The following GPR153 variants were observed in gnomAD, a reference collection of about 807,000 sequenced individuals.
GPR153 encodes probable G protein-coupled receptor 153.
Under a neutral mutation model 34.1 loss-of-function variants are expected in GPR153, and 27 were observed. The ratio of observed to expected loss-of-function variants is 0.79; its 90% confidence interval spans 0.58 to 1.09. The LOEUF (loss-of-function observed/expected upper bound fraction) is 1.09. Ranked by LOEUF, GPR153 falls within the 50% of genes least tolerant of loss-of-function variation. GPR153 has a pLI of 0.00. For missense variants in GPR153, 848 were observed against 860.2 expected (o/e 0.99, Z 0.18); for synonymous variants, 408 against 405.4 (o/e 1.01, Z -0.08).
chr1:6,249,971 A>G lies in GPR153; in HGVS notation c.1197T>C (p.Asp399=). The part of the protein sequence containing the change: ...VPPTRRFSHD[D]ADVWAAVPLP... Reference sequence around the variant, plus strand: ...GCGGGACGGCGGCCCACACGTCCGCATCGTCGTGGGAGAAGCGCCGCGTGG... The same window carrying G: ...GCGGGACGGCGGCCCACACGTCCGCGTCGTCGTGGGAGAAGCGCCGCGTGG... The change falls in exon 6 of 6, where the codon GAT becomes GAC. Residue 399 remains aspartate (D), a synonymous_variant. Transcript: ENST00000377893. This position sits in a 1 kb window ranked among gnomAD's most constrained non-coding sequence, Gnocchi z 4.3. 4.2e-5 allele frequency: 54 copies of G among 1,278,356 alleles called. No homozygotes were observed. Among genetic ancestry groups the G allele is most frequent in the Non-Finnish European group, 5.3e-5 (53 of 1,006,864 alleles). 79.2% of individuals were successfully genotyped at this position (1,278,356 alleles called of 1,614,324 possible). A position where few individuals can be genotyped will look rare whatever the true frequency, so the allele number is the denominator to read the frequency against.
At position 6,253,880 on chromosome 1, in the gene GPR153, G is replaced by A; in HGVS notation, c.624C>T (p.Asp208=). 6.2e-7 allele frequency: 1 copy of A among 1,607,372 alleles called. No individual in the cohort carries two copies. Among genetic ancestry groups the A allele is most frequent in the Non-Finnish European group, 8.5e-7 (1 of 1,176,346 alleles). Residue 208 remains aspartate (D), a synonymous_variant, in exon 3 of 6, where the codon GAC becomes GAT. Transcript: ENST00000377893. The stretch of plus-strand genomic sequence containing the variant: ...TGGTGGGCACGGTGAAGGCGCGGCG[G>A]TCGGCCTGGCGCCCCACCTGCACGG... The part of the protein sequence containing the change: ...TLAVQVGRQA[D]RRAFTVPTIV...
In GPR153 at chr1:6,251,671, G is replaced by C; in HGVS notation, c.787-141C>G. Reference sequence around the variant, plus strand: ...GGAGAAGGGGCCCTTGGGGAGAAAAGAGCTGGAGCGTGGCAGTGGGAGGCC... The same window carrying C: ...GGAGAAGGGGCCCTTGGGGAGAAAACAGCTGGAGCGTGGCAGTGGGAGGCC... On this transcript the variant is annotated intron_variant, in intron 3 of 5. Transcript: ENST00000377893. The surrounding 1 kb of genome is among the most constrained non-coding windows in gnomAD (Gnocchi z 4.9). The C allele has an allele frequency of 1.0e-6, 1 of 985,344 alleles. No homozygotes were observed. Among genetic ancestry groups the C allele is most frequent in the South Asian group, 1.8e-5 (1 of 56,168 alleles). 61.0% of individuals were successfully genotyped at this position (985,344 alleles called of 1,614,324 possible).
At chr1:6,258,816 C>T (rs1391626993) in intron 1 of GPR153, among the ~76,000 whole-genome samples, 1 of 152,200 alleles carries the variant, frequency 6.6e-6, no homozygotes, top group African/African-American at 2.4e-5. Context: ...TCTGTCTAGC[C>T]CCGTGACCTT....
Position 6,250,080 on chromosome 1 carries a change from A to G in GPR153, c.1165-77T>C, listed in dbSNP as rs563711349. Reference sequence around the variant, plus strand: ...GACAAACCCTTCTCCACCCTGGGGAAAGGCCTTCCGTGGGTCAGGGACCAG... The same window carrying G: ...GACAAACCCTTCTCCACCCTGGGGAGAGGCCTTCCGTGGGTCAGGGACCAG... On this transcript the variant is annotated intron_variant, in intron 5 of 5. Transcript: ENST00000377893. The G allele has an allele frequency of 1.4e-5, 18 of 1,274,492 alleles. No individual in the cohort carries two copies. In the African/African-American group the frequency reaches 2.6e-4, roughly 19 times the overall value. The allele number at this position is 1,274,492 out of a possible 1,614,324, so 78.9% of individuals were successfully genotyped here.
intron 1 of GPR153, among the ~76,000 whole-genome samples, chr1:6,256,119 G>C (rs1421320934): frequency 6.6e-6 from 1 of 152,074 alleles, no homozygotes; most frequent in East Asian, 1.9e-4. Context: ...AGGTGATTAG[G>C]CCATGGGTGG....
intron 1 of GPR153, among the ~76,000 whole-genome samples, chr1:6,259,636 G>A (rs1207611003): frequency 1.3e-5 from 2 of 152,116 alleles, no homozygotes; most frequent in Admixed American, 1.3e-4. Context: ...TGTCAGGGCT[G>A]GGTTTGGGGC....
chr1:6,249,670 G>A lies in GPR153; in HGVS notation c.1498C>T (p.Pro500Ser). Residue 500 changes from proline (P) to serine (S), a missense_variant, in exon 6 of 6, where the codon CCC becomes TCC. By Grantham distance (74) the Pro-to-Ser change is moderately conservative. Coordinates refer to ENST00000377893, the MANE Select transcript of GPR153 (RefSeq NM_207370.4). The surrounding 1 kb of genome is among the most constrained non-coding windows in gnomAD (Gnocchi z 4.3). ...GPRSASASLLPDAFALTAFEC... is the reference protein window; with the variant it reads ...GPRSASASLLSDAFALTAFEC... ...AAGGCGGTCAGGGCGAAGGCGTCGG[G>A]CAGCAGCGAGGCCGAGGCGGAGCGG... is the stretch of plus-strand genomic sequence containing the variant. The A allele has an allele frequency of 9.3e-7, 1 of 1,070,324 alleles. No homozygotes were observed. Among genetic ancestry groups the A allele is most frequent in the African/African-American group, 1.7e-5 (1 of 58,862 alleles). The allele number at this position is 1,070,324 out of a possible 1,614,324, so 66.3% of individuals were successfully genotyped here. A position where few individuals can be genotyped will look rare whatever the true frequency, so the allele number is the denominator to read the frequency against.
At chr1:6,255,135 T>C (rs1638537968) in intron 1 of GPR153, 121 bp from the exon 2 acceptor site, 1 of 424,572 alleles carries the variant, frequency 2.4e-6, no homozygotes. Flanking sequence ...GCAAAACTCA[T>C]GTTGAAATTT....
chr1:6,254,849 G>A lies in GPR153; in HGVS notation c.57C>T (p.Gly19=). 1 of 1,604,994 alleles carries A rather than the reference G, an allele frequency of 6.2e-7. No homozygotes were observed. The highest frequency in any genetic ancestry group is 8.5e-7 in the Non-Finnish European group (1 of 1,175,938). ...GSAVGWLVCG[G]LSLLANAWGI... ...CCCAGGCATTGGCCAGCAGGGAGAGGCCCCCACATACCAGCCAGCCCACTG... is the reference window on the plus strand; with the variant it reads ...CCCAGGCATTGGCCAGCAGGGAGAGACCCCCACATACCAGCCAGCCCACTG... The change falls in exon 2 of 6, where the codon GGC becomes GGT. Residue 19 remains glycine, a synonymous_variant. Transcript: ENST00000377893.
chr1:6,249,930 G>T lies in GPR153; in HGVS notation c.1238C>A (p.Pro413Gln), dbSNP rs1638403077. 3.1e-6 allele frequency: 4 copies of T among 1,285,016 alleles called. No homozygotes were observed. In the South Asian group the frequency reaches 8.7e-5, roughly 28 times the overall value. 79.6% of individuals were successfully genotyped at this position (1,285,016 alleles called of 1,614,324 possible). The change falls in exon 6 of 6, where the codon CCG (proline) becomes CAG (glutamine). Residue 413 changes from proline (P) to glutamine (Q), a missense_variant. By Grantham distance (76) the Pro-to-Gln change is moderately conservative. Coordinates refer to ENST00000377893, the MANE Select transcript of GPR153 (RefSeq NM_207370.4). This position sits in a 1 kb window ranked among gnomAD's most constrained non-coding sequence, Gnocchi z 4.3. ...WAAVPLPAFL[P>Q]RWGSGEDLAA... ...CAGGTCCTCGCCGGAGCCCCAGCGC[G>T]GCAGGAAGGCGGGCAGCGGGACGGC...
intron 1 of GPR153, among the ~76,000 whole-genome samples, chr1:6,258,650 C>T (rs1638611929): frequency 6.6e-6 from 1 of 152,224 alleles, no homozygotes; most frequent in South Asian, 2.1e-4. Flanking sequence ...GGGCTGCAGA[C>T]ACCAGTGGTC....
In GPR153 at chr1:6,249,271, T is replaced by G. The variant is rs1442480653; in HGVS notation, c.*67A>C. The G allele has an allele frequency of 1.8e-6, 2 of 1,125,438 alleles. No homozygotes were observed. Among genetic ancestry groups the G allele is most frequent in the African/African-American group, 1.6e-5 (1 of 61,346 alleles). The allele number at this position is 1,125,438 out of a possible 1,614,324, so 69.7% of individuals were successfully genotyped here. ...TCTGCGCGCGGGGCGGAGGCGGGCG[T>G]CTTTGGTGCTGCGGCCCCGGAGAGC... On this transcript the variant is annotated 3_prime_UTR_variant, in exon 6 of 6. Transcript: ENST00000377893. The surrounding 1 kb of genome is among the most constrained non-coding windows in gnomAD (Gnocchi z 4.3).
chr1:6,249,201 A>G lies in GPR153; in HGVS notation c.*137T>C. 1 of 615,588 alleles carries G rather than the reference A, an allele frequency of 1.6e-6. No homozygotes were observed. Among genetic ancestry groups the G allele is most frequent in the Non-Finnish European group, 2.3e-6 (1 of 427,862 alleles). 38.1% of individuals were successfully genotyped at this position (615,588 alleles called of 1,614,324 possible). On this transcript the variant is annotated 3_prime_UTR_variant, in exon 6 of 6. Transcript: ENST00000377893. This position sits in a 1 kb window ranked among gnomAD's most constrained non-coding sequence, Gnocchi z 4.3. ...CCAGCTGGGAGGAGCCGGAAGACAAACGCTGAGGCCAACGCCCCCTCACCC... is the reference window on the plus strand; with the variant it reads ...CCAGCTGGGAGGAGCCGGAAGACAAGCGCTGAGGCCAACGCCCCCTCACCC...
In GPR153 at chr1:6,251,377, A is replaced by C; in HGVS notation, c.940T>G (p.Cys314Gly). ...TCGTCGTTGGCCATGAGGGCCATGC[A>C]CTTCTCCCGGACAGCTTTGAGGTCA... ...RADLKAVREKCMALMANDEES... is the reference protein window; with the variant it reads ...RADLKAVREKGMALMANDEES... Residue 314 changes from cysteine to glycine, a missense_variant, in exon 4 of 6, where the codon TGC becomes GGC. Cys to Gly is a radical substitution (Grantham distance 159, BLOSUM62 -3). Transcript: ENST00000377893. This position sits in a 1 kb window ranked among gnomAD's most constrained non-coding sequence, Gnocchi z 4.9. The C allele has an allele frequency of 6.2e-7, 1 of 1,612,848 alleles. No homozygotes were observed. The highest frequency in any genetic ancestry group is 8.5e-7 in the Non-Finnish European group (1 of 1,179,500).
rs767899239 is a variant in GPR153, at chr1:6,250,553, C to T, written c.1051G>A (p.Asp351Asn). ...GCCATCCTATCTAGGGCCACAAAATCACCTCCATAGCCATAGTCCAGGGAG... is the reference window on the plus strand; with the variant it reads ...GCCATCCTATCTAGGGCCACAAAATTACCTCCATAGCCATAGTCCAGGGAG... The part of the protein sequence containing the change: ...ERSLDYGYGG[D>N]FVALDRMAKY... Residue 351 changes from aspartate to asparagine, a missense_variant, in exon 5 of 6, where the codon GAT (aspartate) becomes AAT (asparagine). Asp to Asn is a conservative substitution (Grantham distance 23). Coordinates refer to ENST00000377893, the MANE Select transcript of GPR153 (RefSeq NM_207370.4). The T allele has an allele frequency of 5.6e-6, 9 of 1,602,178 alleles. No homozygotes were observed. Among genetic ancestry groups the T allele is most frequent in the Non-Finnish European group, 7.7e-6 (9 of 1,174,856 alleles).
At position 6,251,351 on chromosome 1, in the gene GPR153, C is replaced by G. The variant is rs1296087492; in HGVS notation, c.966G>C (p.Glu322Asp). 7 of 1,606,794 alleles carry G rather than the reference C, an allele frequency of 4.4e-6. No individual in the cohort carries two copies. The highest frequency in any genetic ancestry group is 1.3e-5 in the African/African-American group (1 of 74,948). ...GGCCATCCTCACCATCGTCTGACTC[C>G]TCGTCGTTGGCCATGAGGGCCATGC... ...EKCMALMAND[E>D]ESDDETSLEG... Residue 322 changes from glutamate (E) to aspartate (D), a missense_variant, in exon 4 of 6, where the codon GAG becomes GAC. Glu to Asp is a conservative substitution (Grantham distance 45). Transcript: ENST00000377893. The surrounding 1 kb of genome is among the most constrained non-coding windows in gnomAD (Gnocchi z 4.9).
Position 6,250,475 on chromosome 1 carries a change from G to A in GPR153, c.1129C>T (p.Arg377Trp), listed in dbSNP as rs769496333. The change falls in exon 5 of 6, where the codon CGG becomes TGG. Residue 377 changes from arginine (R) to tryptophan (W), a missense_variant. Physicochemically the swap from Arg to Trp is moderately radical, Grantham distance 101. Coordinates refer to ENST00000377893, the MANE Select transcript of GPR153 (RefSeq NM_207370.4). The stretch of plus-strand genomic sequence containing the variant: ...TGCATCTTGTCCTCCTGCAAGGGCC[G>A]CAGTGGGTAGAGCTGGGGCAGGCCC... ...EGGLPQLYPL[R>W]PLQEDKMQYL... is the part of the protein sequence containing the mutation. 3.1e-6 allele frequency: 5 copies of A among 1,608,712 alleles called. No homozygotes were observed. In the Admixed American group the frequency reaches 5.0e-5, roughly 16 times the overall value.
In GPR153 at chr1:6,254,647, C is replaced by T. The variant is rs369637688; in HGVS notation, c.259G>A (p.Val87Met). ...AGGGTGAGGGTGTAGAAGGTGGACA[C>T]GAAGACCTTGCAGAGACCCTCATTC... Reference protein sequence around the residue: ...EWNEGLCKVFVSTFYTLTLAT... With the variant: ...EWNEGLCKVFMSTFYTLTLAT... The change falls in exon 2 of 6, where the codon GTG becomes ATG. Residue 87 changes from valine (V) to methionine (M), a missense_variant. Val to Met is a conservative substitution (Grantham distance 21, BLOSUM62 1). Transcript: ENST00000377893. 1.1e-5 allele frequency: 17 copies of T among 1,613,568 alleles called. 1 individual carries two copies. The highest frequency in any genetic ancestry group is 4.0e-5 in the African/African-American group (3 of 74,910).
At chr1:6,250,769 G>A in intron 4 of GPR153, 145 bp from the exon 5 acceptor site, 1 of 592,420 alleles carries the variant, frequency 1.7e-6, no homozygotes, top group Non-Finnish European at 3.0e-6. Flanking sequence ...AAGGGAATGG[G>A]AGGGGTTCTG....
Sources: gnomAD v4.1 joint callset for allele counts (sites outside exome capture counted in the v4.1 genomes callset) on GRCh38, gnomAD v4.1.1 for gene constraint, Gnocchi (gnomAD v3.1) non-coding constraint, MANE v1.5 for transcripts, NCBI Gene and HGNC (gene_info 2026-07-23, HGNC 2026-07-21) for gene names.